The following ZGRF1 variants were observed in gnomAD, a reference collection of about 807,000 sequenced individuals.
The protein encoded by ZGRF1 is zinc finger GRF-type containing 1.
A neutral mutation model predicts 203.5 loss-of-function variants in ZGRF1; 196 were observed. That is an observed-to-expected ratio of 0.96 (90% CI 0.86 to 1.08). ZGRF1 has a LOEUF of 1.08. ZGRF1 is among the 50% of genes least tolerant of loss of function. The pLI is 0.00. For synonymous variants in ZGRF1, 809 were observed against 841.3 expected, an observed-to-expected ratio of 0.96 and a Z score of 0.66; for missense variants, 2,326 against 2,416.3, an observed-to-expected ratio of 0.96 and a Z score of 0.78.
chr4:112,549,874 G>C (rs1739575459), intron 22 of ZGRF1, among the ~76,000 whole-genome samples: 1 of 152,118 alleles, frequency 6.6e-6, no homozygotes, highest in African/African-American at 2.4e-5. Context: ...ACAGCCCCAT[G>C]TGTCCTAGTG....
Position 112,539,431 on chromosome 4 carries a change from GTTAT to G in ZGRF1, c.*112_*115del, listed in dbSNP as rs1372235888. The G allele has an allele frequency of 3.5e-6, 2 of 578,198 alleles. No homozygotes were observed. Among genetic ancestry groups the G allele is most frequent in the Non-Finnish European group, 5.4e-6 (2 of 368,890 alleles). 35.8% of individuals were successfully genotyped at this position (578,198 alleles called of 1,614,324 possible). On this transcript the variant is annotated 3_prime_UTR_variant, in exon 28 of 28. Transcript: ENST00000505019. ...CAAAATTTTTACATGTGTTTACTAT[GTTAT>G]TTAAATATCATATTTTTAATAAGAG...
intron 10 of ZGRF1, among the ~76,000 whole-genome samples, chr4:112,603,128 C>G (rs769634515): frequency 6.6e-5 from 10 of 152,126 alleles, no homozygotes; most frequent in Non-Finnish European, 1.2e-4. Context: ...AACCTCATGA[C>G]CTCTATTTTC....
rs1256456271 is a variant in ZGRF1 at position 112,624,120 on chromosome 4, A to G, written c.103-244T>C. 9.9e-6 allele frequency: 3 copies of G among 303,000 alleles called. No individual in the cohort carries two copies. The East Asian group carries it at 1.8e-4, about 18-fold the overall frequency. 18.8% of individuals were successfully genotyped at this position (303,000 alleles called of 1,614,324 possible). A position where few individuals can be genotyped will look rare whatever the true frequency, so the allele number is the denominator to read the frequency against. Reference sequence around the variant, plus strand: ...GCTCGGGTCCCCTTCCACGCTGTGGAAGCTTTGTTCTTTCGCTCTTCGCAA... The same window carrying G: ...GCTCGGGTCCCCTTCCACGCTGTGGGAGCTTTGTTCTTTCGCTCTTCGCAA... On this transcript the variant is annotated intron_variant, in intron 3 of 27. Transcript: ENST00000505019.
At chr4:112,541,549 G>C (rs997255958) in intron 24 of ZGRF1, among the ~76,000 whole-genome samples, 5 of 88,268 alleles carry the variant, frequency 5.7e-5, no homozygotes, top group Admixed American at 3.4e-4. Context: ...TTTTTTTTTT[G>C]AGATGGAGTC....
intron 16 of ZGRF1, 50 bp downstream of exon 16, chr4:112,581,613 T>G: frequency 7.3e-6 from 10 of 1,372,326 alleles, no homozygotes; most frequent in East Asian, 2.7e-5. Flanking sequence ...CTGTATGTAA[T>G]GGAGATAATA....
chr4:112,580,931 T>C (rs943203610), intron 16 of ZGRF1, among the ~76,000 whole-genome samples: 5 of 152,172 alleles, frequency 3.3e-5, no homozygotes, highest in Admixed American at 2.6e-4. Flanking sequence ...TTACTGGGTA[T>C]ATACCCAAAG....
At chr4:112,569,967 A>G (rs1046233478) in intron 16 of ZGRF1, among the ~76,000 whole-genome samples, 2 of 152,180 alleles carry the variant, frequency 1.3e-5, no homozygotes, top group Admixed American at 1.3e-4. Flanking sequence ...TGATGATGTA[A>G]GTTTACCCTG....
intron 16 of ZGRF1, chr4:112,565,084 A>G: frequency 7.8e-7 from 1 of 1,284,190 alleles, no homozygotes; most frequent in Non-Finnish European, 1.1e-6. Context: ...TGTGCCCTCT[A>G]CTGGAGGGGT....
chr4:112,579,527 C>T (rs1464315227), intron 16 of ZGRF1, among the ~76,000 whole-genome samples: 3 of 122,356 alleles, frequency 2.5e-5, no homozygotes, highest in East Asian at 2.4e-4. Context: ...AAAACCACAT[C>T]GTCTCAGCCC....
chr4:112,617,807 C>T lies in ZGRF1; in HGVS notation c.2235G>A (p.Gln745=), dbSNP rs761809491. The T allele has an allele frequency of 1.2e-6, 2 of 1,613,840 alleles. No homozygotes were observed. The highest frequency in any genetic ancestry group is 3.3e-5 in the Admixed American group (2 of 60,004). ...CAAGTGCAATACATTCATAGTGATT[C>T]TGATTGGTATTTAATAGTTGGACAC... ...DNSVQLLNTN[Q]NHYECIALDK... Residue 745 remains glutamine (Q), a synonymous_variant, in exon 6 of 28, where the codon CAG becomes CAA. Coordinates refer to ENST00000505019, the MANE Select transcript of ZGRF1 (RefSeq NM_018392.5).
At chr4:112,609,012 C>T (rs899308170) in intron 8 of ZGRF1, among the ~76,000 whole-genome samples, 27 of 151,828 alleles carry the variant, frequency 1.8e-4, no homozygotes, top group African/African-American at 6.0e-4. Flanking sequence ...TATTTATTAA[C>T]TTAAAATTAC....
intron 3 of ZGRF1, among the ~76,000 whole-genome samples, chr4:112,628,360 TAA>T (rs1442259693): frequency 3.3e-5 from 5 of 152,216 alleles, no homozygotes; most frequent in Non-Finnish European, 7.3e-5. Flanking sequence ...ATACATCTAA[TAA>T]GAGAAGAGCC....
intron 10 of ZGRF1, among the ~76,000 whole-genome samples, chr4:112,603,316 A>G (rs1341361777): frequency 1.3e-5 from 2 of 152,214 alleles, no homozygotes; most frequent in African/African-American, 4.8e-5. Flanking sequence ...AGTGAAAAGT[A>G]ATCTGTTAAA....
At chr4:112,552,885 T>C (rs1740222224) in intron 22 of ZGRF1, among the ~76,000 whole-genome samples, 1 of 152,176 alleles carries the variant, frequency 6.6e-6, no homozygotes, top group Non-Finnish European at 1.5e-5. Flanking sequence ...AACTGAAGCT[T>C]TAAATGTGTT....
At chr4:112,576,559 T>A (rs1380219730) in intron 16 of ZGRF1, among the ~76,000 whole-genome samples, 1 of 151,908 alleles carries the variant, frequency 6.6e-6, no homozygotes, top group Admixed American at 6.6e-5. Flanking sequence ...CTAACAAGAA[T>A]AACCAACGCA....
At chr4:112,541,297 A>G in intron 24 of ZGRF1, 29 bp from the exon 25 acceptor site, 1 of 1,371,556 alleles carries the variant, frequency 7.3e-7, no homozygotes. Context: ...GAAAAATAAA[A>G]CATAATTTTT....
At chr4:112,589,648 A>G (rs781310861) in intron 11 of ZGRF1, 76 bp downstream of exon 11, 2 of 1,257,926 alleles carry the variant, frequency 1.6e-6, no homozygotes, top group East Asian at 2.3e-5. Flanking sequence ...AGATATATTT[A>G]GTGTAATAAT....
chr4:112,604,223 C>CA (rs35629278), intron 9 of ZGRF1, among the ~76,000 whole-genome samples: 59,085 of 137,854 alleles, frequency 0.43, 11,973 homozygotes, highest in South Asian at 0.53. Context: ...GATTCCATCT[C>CA]AAAAAAAAAA....
At position 112,611,581 on chromosome 4, in the gene ZGRF1, A is replaced by G. The variant is rs1054076594; in HGVS notation, c.2667+943T>C. Reference sequence around the variant, plus strand: ...CTAGATGATTTATCCTAGAATTTCAATTCATCCTAATTAGAACTATTATTT... The same window carrying G: ...CTAGATGATTTATCCTAGAATTTCAGTTCATCCTAATTAGAACTATTATTT... On this transcript the variant is annotated intron_variant, in intron 7 of 27. Coordinates refer to ENST00000505019, the MANE Select transcript of ZGRF1 (RefSeq NM_018392.5). Among the ~76,000 whole-genome samples, 9 of 152,308 alleles carry G rather than the reference A, an allele frequency of 5.9e-5. No individual in the cohort carries two copies. In the East Asian group the frequency reaches 1.4e-3, roughly 23 times the overall value.
Sources: gnomAD v4.1 joint callset for allele counts (sites outside exome capture counted in the v4.1 genomes callset) on GRCh38, gnomAD v4.1.1 for gene constraint, MANE v1.5 for transcripts, NCBI Gene and HGNC (gene_info 2026-07-23, HGNC 2026-07-21) for gene names.